RAPGEF4: variants seen among roughly 807,000 people sequenced by gnomAD.
RAPGEF4 encodes the protein RAP guanine-nucleotide-exchange factor (GEF) 4.
In RAPGEF4, 66 loss-of-function variants were observed where a neutral mutation model predicts 147.9. The observed-to-expected ratio is 0.45, with a 90% CI of 0.37 to 0.55. RAPGEF4 has a LOEUF of 0.55. Among genes scored for constraint, RAPGEF4 ranks in the 20% least tolerant of loss-of-function variants. RAPGEF4 has a pLI of 0.00. For missense variants in RAPGEF4, 1,071 were observed against 1,257.3 expected (o/e 0.85, Z 2.24); for synonymous variants, 419 against 442.7 (o/e 0.95, Z 0.67).
chr2:172,976,684 T>G (rs1340534200), intron 10 of RAPGEF4, among the ~76,000 whole-genome samples: 1 of 152,242 alleles, frequency 6.6e-6, no homozygotes, highest in African/African-American at 2.4e-5. Flanking sequence ...AATATTTGCT[T>G]TCTTACCTGC....
At chr2:172,975,990 C>T (rs1691023444) in intron 10 of RAPGEF4, among the ~76,000 whole-genome samples, 1 of 152,240 alleles carries the variant, frequency 6.6e-6, no homozygotes, top group South Asian at 2.1e-4. Context: ...ACACTTAGCA[C>T]TCAGAAGCCA....
Position 172,735,978 on chromosome 2 carries a change from C to G in RAPGEF4, c.-6C>G. 2 of 1,467,244 alleles carry G rather than the reference C, an allele frequency of 1.4e-6. No homozygotes were observed. Among genetic ancestry groups the G allele is most frequent in the Non-Finnish European group, 1.8e-6 (2 of 1,107,522 alleles). 90.9% of individuals were successfully genotyped at this position (1,467,244 alleles called of 1,614,324 possible). A position where few individuals can be genotyped will look rare whatever the true frequency, so the allele number is the denominator to read the frequency against. On this transcript the variant is annotated 5_prime_UTR_variant, in exon 1 of 31. Coordinates refer to ENST00000397081, the MANE Select transcript of RAPGEF4 (RefSeq NM_007023.4). ...CAGCCAGGGACACCGCGCGCCGCCG[C>G]TCAACATGGTCGCTGCGCACGCTGC... is the stretch of plus-strand genomic sequence containing the variant.
At chr2:172,912,694 A>G (rs1575213756) in intron 4 of RAPGEF4, among the ~76,000 whole-genome samples, 1 of 152,162 alleles carries the variant, frequency 6.6e-6, no homozygotes, top group African/African-American at 2.4e-5. Flanking sequence ...CTGTGTATGC[A>G]CCTTAAAATA....
chr2:172,823,314 T>A (rs1350437515), intron 4 of RAPGEF4, among the ~76,000 whole-genome samples: 1 of 152,222 alleles, frequency 6.6e-6, no homozygotes, highest in African/African-American at 2.4e-5. Context: ...TGTGGCACTC[T>A]GGGTTCTTCT....
intron 4 of RAPGEF4, among the ~76,000 whole-genome samples, chr2:172,858,407 T>C (rs968329520): frequency 6.6e-6 from 1 of 152,230 alleles, no homozygotes; most frequent in African/African-American, 2.4e-5. Flanking sequence ...AGAAGGCCTG[T>C]GTATGTGCTC....
At chr2:172,855,075 C>T (rs1334837943) in intron 4 of RAPGEF4, among the ~76,000 whole-genome samples, 2 of 152,136 alleles carry the variant, frequency 1.3e-5, no homozygotes, top group African/African-American at 4.8e-5. Flanking sequence ...GTACTCTTCA[C>T]AGCTGATTGG....
At chr2:173,001,826 A>G (rs1478975169) in intron 17 of RAPGEF4, among the ~76,000 whole-genome samples, 2 of 151,652 alleles carry the variant, frequency 1.3e-5, no homozygotes, top group African/African-American at 4.8e-5. Context: ...GGACAGCACC[A>G]AGACACGAGG....
intron 4 of RAPGEF4, among the ~76,000 whole-genome samples, chr2:172,896,176 G>A (rs1698459063): frequency 6.6e-6 from 1 of 152,212 alleles, no homozygotes; most frequent in Admixed American, 6.5e-5. Context: ...AAACCATCAA[G>A]ATGTATTAAC....
chr2:172,848,333 A>G (rs776524677), intron 4 of RAPGEF4, among the ~76,000 whole-genome samples: 13 of 152,182 alleles, frequency 8.5e-5, no homozygotes, highest in Non-Finnish European at 1.8e-4. Context: ...GTTAATTCAC[A>G]CTAGATCCCT....
chr2:172,951,065 T>G (rs1688163201), intron 6 of RAPGEF4, among the ~76,000 whole-genome samples: 1 of 152,260 alleles, frequency 6.6e-6, no homozygotes, highest in Admixed American at 6.5e-5. Context: ...ATGGGCTTCA[T>G]GCAGTCATTA....
At chr2:172,856,852 A>G (rs1266285071) in intron 4 of RAPGEF4, among the ~76,000 whole-genome samples, 2 of 152,096 alleles carry the variant, frequency 1.3e-5, no homozygotes, top group African/African-American at 4.8e-5. Flanking sequence ...CAGGAAGACT[A>G]CAGGCTTTTA....
At chr2:172,948,856 G>C (rs1687940931) in intron 6 of RAPGEF4, among the ~76,000 whole-genome samples, 1 of 152,018 alleles carries the variant, frequency 6.6e-6, no homozygotes, top group Non-Finnish European at 1.5e-5. Context: ...AATGGGTACT[G>C]GGCTTAATAC....
rs1688172090 is a variant in RAPGEF4 at position 172,813,021 on chromosome 2, C to T, written c.298-1258C>T. ...ATTAGCAGGCTTTTCTTCACTTCTT[C>T]CCTGATCTTTTATTCTTTTCTGAGA... On this transcript the variant is annotated intron_variant, in intron 3 of 30. Coordinates refer to ENST00000397081, the MANE Select transcript of RAPGEF4 (RefSeq NM_007023.4). Among the ~76,000 whole-genome samples, 3 of 152,302 alleles carry T rather than the reference C, an allele frequency of 2.0e-5. No homozygotes were observed. In the South Asian group the frequency reaches 6.2e-4, roughly 32 times the overall value.
intron 15 of RAPGEF4, among the ~76,000 whole-genome samples, chr2:172,992,077 C>A (rs1692892719): frequency 6.6e-6 from 1 of 152,106 alleles, no homozygotes. Flanking sequence ...CATGCCTATC[C>A]CCCTTCCACC....
chr2:172,766,120 ATATCT>A (rs1437201339), intron 1 of RAPGEF4, among the ~76,000 whole-genome samples: 1 of 152,030 alleles, frequency 6.6e-6, no homozygotes, highest in East Asian at 1.9e-4. Context: ...CAGATTTATG[ATATCT>A]TATTTTTTTT....
intron 10 of RAPGEF4, among the ~76,000 whole-genome samples, chr2:172,976,325 G>C (rs1691062478): frequency 6.6e-6 from 1 of 152,112 alleles, no homozygotes; most frequent in Non-Finnish European, 1.5e-5. Flanking sequence ...CCTGAGAGGT[G>C]AGGCAAAGAA....
At position 172,893,114 on chromosome 2, in the gene RAPGEF4, C is replaced by T. The variant is rs1698112159; in HGVS notation, c.445-24688C>T. Among the ~76,000 whole-genome samples the T allele has an allele frequency of 2.0e-5, 3 of 152,204 alleles. No individual in the cohort carries two copies. In the South Asian group the frequency reaches 6.2e-4, roughly 32 times the overall value. On this transcript the variant is annotated intron_variant, in intron 4 of 30. Transcript: ENST00000397081. Reference sequence around the variant, plus strand: ...TGGTGCTAGAATGAAAGCATTTAGTCTGTTAAAGAGAAACGATGCTAGAAA... The same window carrying T: ...TGGTGCTAGAATGAAAGCATTTAGTTTGTTAAAGAGAAACGATGCTAGAAA...
At chr2:172,991,126 G>C (rs757250140) in intron 15 of RAPGEF4, among the ~76,000 whole-genome samples, 1 of 152,170 alleles carries the variant, frequency 6.6e-6, no homozygotes, top group Non-Finnish European at 1.5e-5. Flanking sequence ...GTGCTGCCTA[G>C]AGTAATTCGG....
chr2:172,754,818 G>A (rs917789080), intron 1 of RAPGEF4, among the ~76,000 whole-genome samples: 15 of 152,210 alleles, frequency 9.9e-5, no homozygotes, highest in South Asian at 2.1e-4. Flanking sequence ...CGAGGCGGGC[G>A]GATCACGAGG....
Sources: allele counts gnomAD v4.1 joint callset (sites outside exome capture counted in the v4.1 genomes callset), GRCh38; gene constraint gnomAD v4.1.1; transcripts MANE v1.5; gene names NCBI Gene and HGNC (gene_info 2026-07-23, HGNC 2026-07-21).